Variants in KCNMA1 observed in about 807,000 individuals in gnomAD.
The protein encoded by KCNMA1 is Calcium-activated potassium channel subunit alpha-1.
KCNMA1 carries 29 observed loss-of-function variants against 140.0 expected under a neutral mutation model. The observed-to-expected ratio is 0.21, with a 90% CI of 0.15 to 0.28. The LOEUF is 0.28. Among genes scored for constraint, KCNMA1 ranks in the 10% least tolerant of loss-of-function variants. The pLI is 1.00. For synonymous variants in KCNMA1, 612 were observed against 611.9 expected (o/e 1.00, Z 0.00); for missense variants, 880 against 1,602.2 (o/e 0.55, Z 7.70).
chr10:77,295,928 ATACT>A (rs10578521), intron 2 of KCNMA1, among the ~76,000 whole-genome samples: 33,698 of 151,814 alleles, frequency 0.22, 3,952 homozygotes, highest in Admixed American at 0.27. Flanking sequence ...TTACAAGTAC[ATACT>A]TAATCTCTTT....
At chr10:77,632,188 G>A (rs896476205) in intron 1 of KCNMA1, among the ~76,000 whole-genome samples, 45 of 152,318 alleles carry the variant, frequency 3.0e-4, no homozygotes, top group African/African-American at 1.0e-3. Flanking sequence ...GCTCAGCCAC[G>A]CCATGCCTGC....
chr10:77,034,116 C>CTTGGGA (rs2153557225), intron 15 of KCNMA1, among the ~76,000 whole-genome samples: 2 of 152,052 alleles, frequency 1.3e-5, no homozygotes, highest in South Asian at 4.2e-4. Flanking sequence ...TGGTGGCACA[C>CTTGGGA]GTCTCTAGTC....
intron 1 of KCNMA1, among the ~76,000 whole-genome samples, chr10:77,509,291 G>A (rs2047474771): frequency 6.6e-6 from 1 of 152,016 alleles, no homozygotes. Context: ...GCTAATTTTT[G>A]TCTTTTTAGT....
chr10:77,256,257 T>C (rs2060732233), intron 2 of KCNMA1, among the ~76,000 whole-genome samples: 1 of 152,152 alleles, frequency 6.6e-6, no homozygotes, highest in African/African-American at 2.4e-5. Context: ...CCATATGCTT[T>C]CAGCGGGTGT....
At chr10:77,089,197 A>C (rs1566023346) in intron 10 of KCNMA1, among the ~76,000 whole-genome samples, 1 of 152,224 alleles carries the variant, frequency 6.6e-6, no homozygotes, top group Non-Finnish European at 1.5e-5. Flanking sequence ...CATGGTGACA[A>C]GTCAGAAGTC....
intron 23 of KCNMA1, among the ~76,000 whole-genome samples, chr10:76,917,366 G>A (rs1331735817): frequency 1.3e-5 from 2 of 152,198 alleles, no homozygotes; most frequent in African/African-American, 2.4e-5. Context: ...AGAAATGCAG[G>A]TCACACGGTA....
intron 2 of KCNMA1, among the ~76,000 whole-genome samples, chr10:77,382,865 CAAAAA>C (rs767673552): frequency 0.034 from 1,634 of 47,578 alleles, 64 homozygotes; most frequent in Non-Finnish European, 0.043. Context: ...AGCTCCGTCT[CAAAAA>C]AAAAAAAAAA....
At chr10:77,387,896 A>G (rs1246920675) in intron 2 of KCNMA1, among the ~76,000 whole-genome samples, 1 of 152,094 alleles carries the variant, frequency 6.6e-6, no homozygotes, top group Non-Finnish European at 1.5e-5. Context: ...GGGATTACAG[A>G]CGTGAGCCAC....
intron 9 of KCNMA1, among the ~76,000 whole-genome samples, chr10:77,095,432 C>T (rs540638621): frequency 5.9e-5 from 9 of 152,252 alleles, no homozygotes; most frequent in African/African-American, 1.4e-4. Context: ...TAGTATCCAA[C>T]GGCACTTTCT....
chr10:76,884,757 G>A (rs2036103159), downstream of KCNMA1: 2 of 530,990 alleles, frequency 3.8e-6, no homozygotes, highest in Admixed American at 3.9e-5. Flanking sequence ...GTGGAAGAAG[G>A]AAGGAAGAGA....
At chr10:77,056,935 G>GA (rs2095560617) in intron 14 of KCNMA1, among the ~76,000 whole-genome samples, 1 of 151,914 alleles carries the variant, frequency 6.6e-6, no homozygotes, top group Admixed American at 6.6e-5. Context: ...TGATACATCA[G>GA]AAAAAGATTT....
chr10:77,219,887 G>A (rs983348419), intron 3 of KCNMA1, among the ~76,000 whole-genome samples: 1 of 152,228 alleles, frequency 6.6e-6, no homozygotes, highest in Non-Finnish European at 1.5e-5. Context: ...AACACTGGCT[G>A]AGCAGTCATG....
intron 3 of KCNMA1, among the ~76,000 whole-genome samples, chr10:77,245,401 T>G (rs1453703625): frequency 1.3e-5 from 2 of 152,142 alleles, no homozygotes; most frequent in African/African-American, 2.4e-5. Context: ...ATCTGTGCTG[T>G]CCTCACAGCT....
At chr10:77,278,386 G>A (rs531739920) in intron 2 of KCNMA1, among the ~76,000 whole-genome samples, 24 of 152,270 alleles carry the variant, frequency 1.6e-4, no homozygotes, top group African/African-American at 5.1e-4. Flanking sequence ...AGAAGCAGAT[G>A]ATCAGTTTGG....
chr10:77,010,099 G>T (rs1279184914), intron 18 of KCNMA1, among the ~76,000 whole-genome samples: 1 of 152,182 alleles, frequency 6.6e-6, no homozygotes, highest in Non-Finnish European at 1.5e-5. Context: ...GATACTCTGT[G>T]GGATGAGGGT....
chr10:77,331,133 CAGAGAG>C lies in KCNMA1; in HGVS notation c.540+72723_540+72728del, dbSNP rs34406006. Among the ~76,000 whole-genome samples, 700 of 151,378 alleles carry C rather than the reference CAGAGAG, an allele frequency of 4.6e-3. 2 individuals are homozygous for C. Among genetic ancestry groups the C allele is most frequent in the Non-Finnish European group, 6.0e-3 (405 of 67,778 alleles). On this transcript the variant is annotated intron_variant, in intron 2 of 27. Coordinates refer to ENST00000286628, the MANE Select transcript of KCNMA1 (RefSeq NM_001161352.2). ...ACCTGCCAGCCACATGCCTGAACAG[CAGAGAG>C]AGAGCTCAATCATCACATGTGGCTT...
At chr10:76,940,716 T>G (rs1481979445) in intron 23 of KCNMA1, among the ~76,000 whole-genome samples, 1 of 151,944 alleles carries the variant, frequency 6.6e-6, no homozygotes, top group Non-Finnish European at 1.5e-5. Flanking sequence ...TCCCCAGCAC[T>G]TTGGGAGGCC....
In KCNMA1 at chr10:77,318,706, A is replaced by G. The variant is rs190236509; in HGVS notation, c.541-67450T>C. 3.1e-3 allele frequency among the ~76,000 whole-genome samples: 474 copies of G among 152,252 alleles called. 7 individuals carry two copies. The highest frequency in any genetic ancestry group is 0.012 in the Admixed American group (185 of 15,306). On this transcript the variant is annotated intron_variant, in intron 2 of 27. Transcript: ENST00000286628. ...AAAGGACAGTTGAAATTAGTCTCCT[A>G]TGCTGCTGTCCACCTCTTGGTATCT...
chr10:77,235,488 A>C (rs1396117572), intron 3 of KCNMA1, among the ~76,000 whole-genome samples: 2 of 152,206 alleles, frequency 1.3e-5, no homozygotes, highest in African/African-American at 4.8e-5. Context: ...CGGAGGTGGC[A>C]GCAAATGAGA....
Sources: allele counts gnomAD v4.1 joint callset (sites outside exome capture counted in the v4.1 genomes callset), GRCh38; gene constraint gnomAD v4.1.1; transcripts MANE v1.5; gene names NCBI Gene and HGNC (gene_info 2026-07-23, HGNC 2026-07-21).